COX16: variants seen among roughly 807,000 people sequenced by gnomAD.
The protein encoded by COX16 is cytochrome c oxidase assembly factor COX16, also known as cytochrome c oxidase assembly protein COX16 homolog, mitochondrial.
Under a neutral mutation model 15.4 loss-of-function variants are expected in COX16, and 12 were observed. The ratio of observed to expected loss-of-function variants is 0.78; its 90% CI spans 0.50 to 1.26. The LOEUF is 1.26. Ranked by LOEUF, COX16 falls within the 50% of genes most tolerant of loss-of-function variation. The pLI, the probability that COX16 is intolerant of heterozygous loss-of-function variation, is 0.00. For missense variants in COX16, 124 were observed against 127.6 expected (o/e 0.97, Z 0.14); for synonymous variants, 46 against 41.1 (o/e 1.12, Z -0.46).
intron 2 of COX16, among the ~76,000 whole-genome samples, chr14:70,336,276 CA>C (rs879489395): frequency 2.6e-3 from 389 of 151,838 alleles, no homozygotes; most frequent in Non-Finnish European, 3.5e-3. Context: ...AAAACAAAAA[CA>C]AAAACAAAAA....
intron 1 of COX16, among the ~76,000 whole-genome samples, chr14:70,356,211 GGT>G (rs1269784731): frequency 8.3e-6 from 1 of 120,894 alleles, no homozygotes; most frequent in East Asian, 2.9e-4. Context: ...TGGTGGCGGG[GGT>G]GGGGGGTGGG....
At chr14:70,347,111 C>T (rs1463426603) in intron 1 of COX16, among the ~76,000 whole-genome samples, 2 of 152,086 alleles carry the variant, frequency 1.3e-5, no homozygotes, top group East Asian at 3.9e-4. Context: ...CACCCAGTTC[C>T]TATCACAGAA....
intron 1 of COX16, among the ~76,000 whole-genome samples, chr14:70,351,367 AT>A (rs1219167167): frequency 6.6e-6 from 1 of 152,260 alleles, no homozygotes; most frequent in Non-Finnish European, 1.5e-5. Context: ...TATATAAAGC[AT>A]TAATTTAGAG....
chr14:70,335,561 TA>T (rs946247823), intron 2 of COX16, among the ~76,000 whole-genome samples: 19 of 135,220 alleles, frequency 1.4e-4, no homozygotes, highest in South Asian at 2.3e-4. Flanking sequence ...GCTGTACAAA[TA>T]CATGGAAATT....
chr14:70,327,022 C>G (rs1375348139), intron 3 of COX16, among the ~76,000 whole-genome samples: 1 of 152,164 alleles, frequency 6.6e-6, no homozygotes, highest in Non-Finnish European at 1.5e-5. Flanking sequence ...TGAAGTACCT[C>G]TCAAGCACAA....
intron 2 of COX16, among the ~76,000 whole-genome samples, chr14:70,340,088 T>C (rs1416445536): frequency 6.6e-6 from 1 of 152,192 alleles, no homozygotes; most frequent in Admixed American, 6.5e-5. Flanking sequence ...CCAAATCTTA[T>C]CTTGAATTGT....
At chr14:70,337,981 C>A (rs1017228465) in intron 2 of COX16, among the ~76,000 whole-genome samples, 5 of 152,182 alleles carry the variant, frequency 3.3e-5, no homozygotes, top group Admixed American at 1.3e-4. Flanking sequence ...GAATATAACA[C>A]ACATCTGATT....
intron 2 of COX16, among the ~76,000 whole-genome samples, chr14:70,342,340 G>A (rs1886648430): frequency 6.6e-6 from 1 of 152,146 alleles, no homozygotes; most frequent in Non-Finnish European, 1.5e-5. Flanking sequence ...CAGCTACTCG[G>A]GAGGCTGAGA....
At chr14:70,345,895 C>A (rs1886764382) in intron 1 of COX16, among the ~76,000 whole-genome samples, 1 of 151,968 alleles carries the variant, frequency 6.6e-6, no homozygotes. Context: ...TCTTTTTTAA[C>A]CCCCCAAGCC....
At chr14:70,359,169 T>G (rs1887220175) in intron 1 of COX16, 1 of 471,126 alleles carries the variant, frequency 2.1e-6, no homozygotes, top group Non-Finnish European at 4.2e-6. Flanking sequence ...CATCCAAACT[T>G]GGCTTAAAGT....
chr14:70,332,972 A>G (rs775174678), intron 2 of COX16, among the ~76,000 whole-genome samples: 1 of 152,210 alleles, frequency 6.6e-6, no homozygotes, highest in Non-Finnish European at 1.5e-5. Flanking sequence ...CCAACCTTGG[A>G]GCCTTCATAA....
intron 1 of COX16, among the ~76,000 whole-genome samples, chr14:70,346,959 T>A (rs1389350389): frequency 1.3e-5 from 2 of 152,108 alleles, no homozygotes; most frequent in Non-Finnish European, 2.9e-5. Flanking sequence ...GCATCTAACT[T>A]TCTTCTACTC....
chr14:70,351,028 AAAT>A (rs1386521873), intron 1 of COX16, among the ~76,000 whole-genome samples: 1 of 152,252 alleles, frequency 6.6e-6, no homozygotes, highest in Non-Finnish European at 1.5e-5. Context: ...CAAAAGAAGA[AAAT>A]AATATTTTCA....
At chr14:70,341,594 T>C (rs78796205) in intron 2 of COX16, among the ~76,000 whole-genome samples, 14,934 of 152,206 alleles carry the variant, frequency 0.098, 799 homozygotes, top group East Asian at 0.18. Context: ...CATGTGACCT[T>C]AGCCAACTTA....
intron 2 of COX16, among the ~76,000 whole-genome samples, chr14:70,339,038 T>G (rs1437905865): frequency 6.6e-6 from 1 of 152,232 alleles, no homozygotes; most frequent in Non-Finnish European, 1.5e-5. Flanking sequence ...TTGTTCTCAT[T>G]TTCATTATCT....
intron 1 of COX16, among the ~76,000 whole-genome samples, chr14:70,348,069 G>T (rs765709657): frequency 6.6e-6 from 1 of 151,932 alleles, no homozygotes; most frequent in African/African-American, 2.4e-5. Flanking sequence ...GTTGCACTAG[G>T]TGTTCTAACC....
chr14:70,347,838 C>A (rs1455400473), intron 1 of COX16, among the ~76,000 whole-genome samples: 1 of 152,126 alleles, frequency 6.6e-6, no homozygotes, highest in Non-Finnish European at 1.5e-5. Context: ...ATTCTCTTTC[C>A]TAGGACTAGT....
chr14:70,330,774 G>A (rs746919733), intron 2 of COX16, among the ~76,000 whole-genome samples: 8 of 152,106 alleles, frequency 5.3e-5, no homozygotes, highest in Non-Finnish European at 1.0e-4. Flanking sequence ...GAGCAGTCAC[G>A]AAACAATGCG....
intron 1 of COX16, among the ~76,000 whole-genome samples, chr14:70,343,118 T>C (rs1461888547): frequency 6.6e-6 from 1 of 152,208 alleles, no homozygotes; most frequent in African/African-American, 2.4e-5. Context: ...ACTTGTCCAT[T>C]GTTAACTTAA....
Sources: gnomAD v4.1 joint callset for allele counts (sites outside exome capture counted in the v4.1 genomes callset) on GRCh38, gnomAD v4.1.1 for gene constraint, MANE v1.5 for transcripts, NCBI Gene and HGNC (gene_info 2026-07-23, HGNC 2026-07-21) for gene names.